The following EVC2 variants were observed in gnomAD, a reference collection of about 807,000 sequenced individuals.
EVC2 encodes EvC ciliary complex subunit 2, also known as limbin.
A neutral mutation model predicts 149.3 loss-of-function variants in EVC2; 148 were observed. The observed-to-expected ratio is 0.99, with a 90% CI of 0.87 to 1.14. The LOEUF (loss-of-function observed/expected upper bound fraction) is 1.14. Ranked by LOEUF, EVC2 falls within the 50% of genes most tolerant of loss-of-function variation. EVC2 has a pLI of 0.00. For missense variants in EVC2, 1,854 were observed against 1,627.3 expected, an observed-to-expected ratio of 1.14 and a Z score of -2.40; for synonymous variants, 776 against 649.9, an observed-to-expected ratio of 1.19 and a Z score of -2.95.
At position 5,640,600 on chromosome 4, in the gene EVC2, T is replaced by C. The variant is rs73063795; in HGVS notation, c.1384A>G (p.Thr462Ala). Residue 462 changes from threonine to alanine, a missense_variant, in exon 10 of 22, where the codon ACA (threonine) becomes GCA (alanine). Physicochemically the swap from Thr to Ala is moderately conservative, Grantham distance 58. Coordinates refer to ENST00000344408, the MANE Select transcript of EVC2 (RefSeq NM_147127.5). The surrounding 1 kb of genome is among the most constrained non-coding windows in gnomAD (Gnocchi z 4.6). The stretch of plus-strand genomic sequence containing the variant: ...TACTGGTTTTCCATCTTCTTTCTTG[T>C]TTCCAGGTCACATTCAGCTGTCAAT... ...VALTAECDLE[T>A]RKKMENQYQR... 4,841 of 1,614,130 alleles carry C rather than the reference T, an allele frequency of 3.0e-3. 53 individuals are homozygous for C. The African/African-American group carries it at 0.034, about 11-fold the overall frequency.
At chr4:5,655,847 G>A (rs1299966147) in intron 9 of EVC2, among the ~76,000 whole-genome samples, 2 of 151,818 alleles carry the variant, frequency 1.3e-5, no homozygotes, top group Non-Finnish European at 2.9e-5. Context: ...GGAAAGAGAG[G>A]GGCATTATTT....
chr4:5,689,013 C>G (rs1330595340), intron 5 of EVC2, 144 bp downstream of exon 5: 2 of 884,602 alleles, frequency 2.3e-6, no homozygotes, highest in Non-Finnish European at 3.5e-6. Flanking sequence ...TTTTGATACC[C>G]TGATAGTAAG....
intron 17 of EVC2, among the ~76,000 whole-genome samples, chr4:5,577,380 G>T (rs1722995859): frequency 6.6e-6 from 1 of 152,178 alleles, no homozygotes; most frequent in African/African-American, 2.4e-5. Context: ...GTGGGCGGAG[G>T]CAGGAGGGCC....
chr4:5,598,910 G>C (rs1011801142), intron 16 of EVC2, among the ~76,000 whole-genome samples: 1 of 152,180 alleles, frequency 6.6e-6, no homozygotes, highest in African/African-American at 2.4e-5. Context: ...AGTGGGCGAA[G>C]GACATGAACA....
intron 9 of EVC2, among the ~76,000 whole-genome samples, chr4:5,659,589 T>C (rs1055214215): frequency 2.0e-5 from 3 of 152,096 alleles, no homozygotes; most frequent in Admixed American, 6.6e-5. Context: ...TGATAATCAA[T>C]GCTAAACACT....
At chr4:5,701,052 G>C (rs534091759) in intron 1 of EVC2, among the ~76,000 whole-genome samples, 1 of 152,292 alleles carries the variant, frequency 6.6e-6, no homozygotes, top group South Asian at 2.1e-4. Context: ...CTCTTTTCTG[G>C]AGGCTCCAGG....
the EVC2 span, among the ~76,000 whole-genome samples, chr4:5,537,213 A>G: frequency 6.6e-6 from 1 of 152,202 alleles, no homozygotes; most frequent in Non-Finnish European, 1.5e-5. Context: ...GGCAGAGCCC[A>G]GGGGAGTTCA....
In EVC2 at chr4:5,686,127, C is replaced by CAT. The variant is rs71171411; in HGVS notation, c.707-649_707-648insAT. ...ACACACACACACACACACACACACACAGAGTAAAGAAAAGAGGAGGAACGC... is the reference window on the plus strand; with the variant it reads ...ACACACACACACACACACACACACACATAGAGTAAAGAAAAGAGGAGGAACGC... On this transcript the variant is annotated intron_variant, in intron 5 of 21. Transcript: ENST00000344408. This position sits in a 1 kb window ranked among gnomAD's most constrained non-coding sequence, Gnocchi z 5.4. Among the ~76,000 whole-genome samples, 345 of 149,654 alleles carry CAT rather than the reference C, an allele frequency of 2.3e-3. 3 individuals are homozygous for CAT. The highest frequency in any genetic ancestry group is 7.0e-3 in the African/African-American group (283 of 40,218).
intron 12 of EVC2, among the ~76,000 whole-genome samples, chr4:5,626,578 C>A (rs1284677145): frequency 6.6e-6 from 1 of 152,212 alleles, no homozygotes; most frequent in Non-Finnish European, 1.5e-5. Flanking sequence ...TCGTGATCCA[C>A]CCGCCTCGGC....
chr4:5,596,320 T>G (rs1281923757), intron 16 of EVC2, among the ~76,000 whole-genome samples: 2 of 152,142 alleles, frequency 1.3e-5, no homozygotes, highest in African/African-American at 4.8e-5. Flanking sequence ...TAGTTGGAAG[T>G]AAAGCTCTCC....
At chr4:5,593,762 A>C (rs905661007) in intron 16 of EVC2, among the ~76,000 whole-genome samples, 2 of 152,164 alleles carry the variant, frequency 1.3e-5, no homozygotes, top group African/African-American at 2.4e-5. Context: ...CAAAGCAGGG[A>C]GAGGCATTGC....
In EVC2 at chr4:5,569,318, C is replaced by G. The variant is rs1722509381; in HGVS notation, c.3361-678G>C. Among the ~76,000 whole-genome samples the G allele has an allele frequency of 6.6e-6, 1 of 152,108 alleles. No homozygotes were observed. The highest frequency in any genetic ancestry group is 2.1e-4 in the South Asian group (1 of 4,830). On this transcript the variant is annotated intron_variant, in intron 19 of 21. Coordinates refer to ENST00000344408, the MANE Select transcript of EVC2 (RefSeq NM_147127.5). The surrounding 1 kb of genome is among the most constrained non-coding windows in gnomAD (Gnocchi z 4.8). ...TTGACAGCTCTGTGTCTTGATGGTG[C>G]TGCTGGTTACATGAATGTGCATAGG... is the stretch of plus-strand genomic sequence containing the variant.
At chr4:5,623,048 T>G in intron 13 of EVC2, 57 bp from the exon 14 acceptor site, 1 of 1,517,786 alleles carries the variant, frequency 6.6e-7, no homozygotes, top group Non-Finnish European at 9.0e-7. Context: ...TACAGTCCTT[T>G]GGCTGAAACA....
At chr4:5,542,356 G>A (rs1368918079), downstream of EVC2, among the ~76,000 whole-genome samples, 1 of 152,214 alleles carries the variant, frequency 6.6e-6, no homozygotes, top group Non-Finnish European at 1.5e-5. Flanking sequence ...TCAGGAAGCA[G>A]AGGTGGGAGG....
intron 10 of EVC2, among the ~76,000 whole-genome samples, chr4:5,638,419 T>A (rs569780076): frequency 6.6e-6 from 1 of 151,590 alleles, no homozygotes; most frequent in African/African-American, 2.4e-5. Flanking sequence ...TTGTAACAGA[T>A]TTAGGAAAGA....
intron 16 of EVC2, among the ~76,000 whole-genome samples, chr4:5,604,201 G>C (rs1053437153): frequency 6.6e-6 from 1 of 152,198 alleles, no homozygotes; most frequent in Admixed American, 6.5e-5. Context: ...TCCAGTAGTT[G>C]AGGGCGGATG....
At chr4:5,667,856 G>C (rs1645635562) in intron 7 of EVC2, among the ~76,000 whole-genome samples, 1 of 152,208 alleles carries the variant, frequency 6.6e-6, no homozygotes, top group South Asian at 2.1e-4. Flanking sequence ...CAGGTAATCA[G>C]CATAAACTAT....
chr4:5,570,771 A>G (rs932970354), intron 19 of EVC2, among the ~76,000 whole-genome samples: 1 of 152,258 alleles, frequency 6.6e-6, no homozygotes, highest in African/African-American at 2.4e-5. Context: ...ACAAGTGAAT[A>G]AAGAAAATGT....
In EVC2 at chr4:5,612,922, C is replaced by CAA. The variant is rs34505528; in HGVS notation, c.2829+2498_2829+2499dup. On this transcript the variant is annotated intron_variant, in intron 16 of 21. Transcript: ENST00000344408. ...GGGTGACAGAGCGAGACTCTGTCTC[C>CAA]AAAAAAAAAAAAAAAAAAAAAAAAA... Among the ~76,000 whole-genome samples the CAA allele has an allele frequency of 4.6e-3, 123 of 26,762 alleles. 5 individuals carry two copies. Among genetic ancestry groups the CAA allele is most frequent in the African/African-American group, 0.018 (111 of 6,114 alleles). 17.6% of individuals were successfully genotyped at this position (26,762 alleles called of 152,430 possible).
Sources: allele counts gnomAD v4.1 joint callset (sites outside exome capture counted in the v4.1 genomes callset), GRCh38; gene constraint gnomAD v4.1.1; non-coding constraint Gnocchi (gnomAD v3.1); transcripts MANE v1.5; gene names NCBI Gene and HGNC (gene_info 2026-07-23, HGNC 2026-07-21).